Variants in SMAP2 observed in about 807,000 individuals in gnomAD.
The protein encoded by SMAP2 is stromal membrane-associated protein 2.
SMAP2 carries 25 observed loss-of-function variants against 56.4 expected under a neutral mutation model. The observed-to-expected ratio is 0.44, with a 90% CI of 0.32 to 0.62. The LOEUF is 0.62. Among genes scored for constraint, SMAP2 ranks in the 20% least tolerant of loss-of-function variants. SMAP2 has a pLI of 0.04. For synonymous variants in SMAP2, 157 were observed against 181.7 expected (o/e 0.86, Z 1.09); for missense variants, 388 against 545.6 (o/e 0.71, Z 2.88).
rs1285977586 is a variant in SMAP2, at chr1:40,406,717, C to T, written c.104-19C>T. 1.2e-6 allele frequency: 2 copies of T among 1,606,222 alleles called. No individual in the cohort carries two copies. Among genetic ancestry groups the T allele is most frequent in the Non-Finnish European group, 1.7e-6 (2 of 1,174,748 alleles). Reference sequence around the variant, plus strand: ...ATGTTGTAATTTGTACTTTATTGCCCTGTTCCTGACTTTCACAGGGCCGCG... The same window carrying T: ...ATGTTGTAATTTGTACTTTATTGCCTTGTTCCTGACTTTCACAGGGCCGCG... On this transcript the variant is annotated intron_variant, in intron 1 of 9. Transcript: ENST00000372718.
chr1:40,411,929 T>C (rs1365379831), intron 4 of SMAP2, among the ~76,000 whole-genome samples: 4 of 152,178 alleles, frequency 2.6e-5, no homozygotes, highest in African/African-American at 9.7e-5. Flanking sequence ...CTAAATAGTT[T>C]CTTTTTGGAG....
chr1:40,399,121 C>A (rs1644802197), intron 1 of SMAP2, among the ~76,000 whole-genome samples: 1 of 151,988 alleles, frequency 6.6e-6, no homozygotes, highest in Admixed American at 6.6e-5. Context: ...GAGACCCTGT[C>A]TCTTTTTTAT....
At chr1:40,370,718 AG>A (rs1644492711), upstream of SMAP2, among the ~76,000 whole-genome samples, 3 of 96,564 alleles carry the variant, frequency 3.1e-5, no homozygotes, top group Admixed American at 1.2e-4. Flanking sequence ...GGGTAGGGGG[AG>A]GGGGGAGGGA....
intron 8 of SMAP2, 152 bp from the exon 9 acceptor site, chr1:40,416,628 T>C (rs923020745): frequency 9.5e-5 from 82 of 865,198 alleles, no homozygotes; most frequent in Non-Finnish European, 1.4e-4. Flanking sequence ...ATAGCAGGCC[T>C]CGTAGGGACT....
chr1:40,350,822 A>G (rs527539101), intron 1 of SMAP2, among the ~76,000 whole-genome samples: 3 of 152,330 alleles, frequency 2.0e-5, no homozygotes, highest in African/African-American at 7.2e-5. Flanking sequence ...AGAAATTTCT[A>G]TATCTTTTTC....
chr1:40,374,331 AAGTGGT>A lies in SMAP2; in HGVS notation c.103+110_103+115del. 1 of 913,790 alleles carries A rather than the reference AAGTGGT, an allele frequency of 1.1e-6. No homozygotes were observed. Among genetic ancestry groups the A allele is most frequent in the South Asian group, 1.5e-5 (1 of 68,234 alleles). 56.6% of individuals were successfully genotyped at this position (913,790 alleles called of 1,614,324 possible). A position where few individuals can be genotyped will look rare whatever the true frequency, so the allele number is the denominator to read the frequency against. The stretch of plus-strand genomic sequence containing the variant: ...GCTTAGGCCGCCCAACTCGGCTTAT[AAGTGGT>A]AACGCGTGCTGCGCTTGCAGTGAGC... On this transcript the variant is annotated intron_variant, in intron 1 of 9. Coordinates refer to ENST00000372718, the MANE Select transcript of SMAP2 (RefSeq NM_022733.3). This position sits in a 1 kb window ranked among gnomAD's most constrained non-coding sequence, Gnocchi z 5.9.
chr1:40,350,682 C>G (rs2124157031), intron 1 of SMAP2, among the ~76,000 whole-genome samples: 1 of 152,224 alleles, frequency 6.6e-6, no homozygotes, highest in South Asian at 2.1e-4. Flanking sequence ...AATCAATGGC[C>G]CTAGCAAGGG....
At chr1:40,345,863 A>ATATTG (rs1465201989) in intron 1 of SMAP2, among the ~76,000 whole-genome samples, 103 of 122,260 alleles carry the variant, frequency 8.4e-4, no homozygotes, top group African/African-American at 2.9e-3. Flanking sequence ...ATATTATATT[A>ATATTG]TATTATATTG....
intron 1 of SMAP2, among the ~76,000 whole-genome samples, chr1:40,360,503 A>G (rs1363604157): frequency 6.6e-6 from 1 of 151,022 alleles, no homozygotes; most frequent in Non-Finnish European, 1.5e-5. Flanking sequence ...TGGTTTTGCC[A>G]TGTTGGCCAG....
At chr1:40,382,952 A>G (rs1409254137) in intron 1 of SMAP2, among the ~76,000 whole-genome samples, 2 of 152,212 alleles carry the variant, frequency 1.3e-5, no homozygotes, top group Admixed American at 1.3e-4. Flanking sequence ...AATTGTTTTA[A>G]TTCTTAGGAA....
chr1:40,401,786 A>G (rs1350865824), intron 1 of SMAP2, among the ~76,000 whole-genome samples: 1 of 152,204 alleles, frequency 6.6e-6, no homozygotes, highest in East Asian at 1.9e-4. Flanking sequence ...AGCCCTAGAG[A>G]AACTTGTCAA....
rs1227999490 is a variant in SMAP2, at chr1:40,408,259, G to A, written c.238-394G>A. ...TAAGGAGTCTACTTAAAAGCCTAATGGGAAACACATTTATTGGAATTGATT... is the reference window on the plus strand; with the variant it reads ...TAAGGAGTCTACTTAAAAGCCTAATAGGAAACACATTTATTGGAATTGATT... On this transcript the variant is annotated intron_variant, in intron 2 of 9. Coordinates refer to ENST00000372718, the MANE Select transcript of SMAP2 (RefSeq NM_022733.3). This position sits in a 1 kb window ranked among gnomAD's most constrained non-coding sequence, Gnocchi z 4.3. 2.6e-5 allele frequency among the ~76,000 whole-genome samples: 4 copies of A among 152,250 alleles called. No homozygotes were observed. Among genetic ancestry groups the A allele is most frequent in the Middle Eastern group, 6.8e-3 (2 of 294 alleles).
intron 9 of SMAP2, among the ~76,000 whole-genome samples, chr1:40,420,222 G>T (rs1009380163): frequency 7.2e-5 from 11 of 151,812 alleles, no homozygotes; most frequent in Admixed American, 1.3e-4. Context: ...GGTTTACTTT[G>T]TTATTTTCTA....
At position 40,421,945 on chromosome 1, in the gene SMAP2, C is replaced by T. The variant is rs188060481; in HGVS notation, c.1165-31C>T. ...CACTAATTGGCGGAATGCCCACAGC[C>T]TGGTCTGAAAGTCTCCTCTCTCCCT... On this transcript the variant is annotated intron_variant, in intron 9 of 9. Transcript: ENST00000372718. 21 of 1,613,916 alleles carry T rather than the reference C, an allele frequency of 1.3e-5. No individual in the cohort carries two copies. In the East Asian group the frequency reaches 4.7e-4, roughly 36 times the overall value.
At chr1:40,361,642 G>A (rs767897621) in intron 1 of SMAP2, among the ~76,000 whole-genome samples, 19 of 152,138 alleles carry the variant, frequency 1.2e-4, no homozygotes, top group Non-Finnish European at 2.2e-4. Flanking sequence ...TTCACCACAA[G>A]CTGACCAAAG....
At chr1:40,413,763 A>C (rs1418716950) in intron 5 of SMAP2, among the ~76,000 whole-genome samples, 4 of 152,210 alleles carry the variant, frequency 2.6e-5, no homozygotes, top group Admixed American at 2.6e-4. Flanking sequence ...TTTTGGTGTT[A>C]AAGTAAAAGG....
chr1:40,355,977 C>G lies in SMAP2; in HGVS notation c.-82-6323C>G, dbSNP rs551516926. On this transcript the variant is annotated intron_variant, in intron 1 of 6. Transcript: ENST00000435168. ...CCCGTTAACCATTCCCACTTTCCCC[C>G]ACCCCCACTAACCTTCCCTGTCTCT... 7.2e-5 allele frequency among the ~76,000 whole-genome samples: 11 copies of G among 152,240 alleles called. No individual in the cohort carries two copies. In the East Asian group the frequency reaches 1.9e-3, roughly 27 times the overall value.
chr1:40,351,609 T>C (rs1395506486), intron 1 of SMAP2, among the ~76,000 whole-genome samples: 1 of 152,156 alleles, frequency 6.6e-6, no homozygotes, highest in Non-Finnish European at 1.5e-5. Flanking sequence ...GGTCAAGCGA[T>C]TCTCACGCCT....
intron 1 of SMAP2, among the ~76,000 whole-genome samples, chr1:40,359,641 G>T (rs1026443586): frequency 1.3e-5 from 2 of 151,834 alleles, no homozygotes; most frequent in Non-Finnish European, 1.5e-5. Flanking sequence ...GTTTTCTCTG[G>T]TGGTACACTT....
Sources: allele counts gnomAD v4.1 joint callset (sites outside exome capture counted in the v4.1 genomes callset), GRCh38; gene constraint gnomAD v4.1.1; non-coding constraint Gnocchi (gnomAD v3.1); transcripts MANE v1.5; gene names NCBI Gene and HGNC (gene_info 2026-07-23, HGNC 2026-07-21).